TFPI2: variants seen among roughly 807,000 people sequenced by gnomAD.
TFPI2 encodes the protein tissue factor pathway inhibitor 2, also known as placental protein 5.
Under a neutral mutation model 23.1 loss-of-function variants are expected in TFPI2, and 23 were observed. The ratio of observed to expected loss-of-function variants is 1.00; its 90% CI spans 0.72 to 1.41. The LOEUF is 1.41. Among genes scored for constraint, TFPI2 ranks in the 40% most tolerant of loss-of-function variants. The probability of loss-of-function intolerance (pLI) is 0.00; values close to 1 mark genes in which losing one functional copy is unlikely to be tolerated. For missense variants in TFPI2, 291 were observed against 299.6 expected (o/e 0.97, Z 0.21); for synonymous variants, 119 against 111.7 (o/e 1.07, Z -0.41).
At position 93,889,505 on chromosome 7, in the gene TFPI2, T is replaced by C. The variant is rs528320687; in HGVS notation, c.272-282A>G. Reference sequence around the variant, plus strand: ...TACATATGCAGTGAATCAAAGCTTATTCACATGAATACGCATTTTCCCCTG... The same window carrying C: ...TACATATGCAGTGAATCAAAGCTTACTCACATGAATACGCATTTTCCCCTG... On this transcript the variant is annotated intron_variant, in intron 2 of 4. Coordinates refer to ENST00000222543, the MANE Select transcript of TFPI2 (RefSeq NM_006528.4). 4.6e-5 allele frequency among the ~76,000 whole-genome samples: 7 copies of C among 152,318 alleles called. No homozygotes were observed. The East Asian group carries it at 1.3e-3, about 29-fold the overall frequency.
chr7:93,890,315 A>G lies in TFPI2; in HGVS notation c.93T>C (p.Asn31=). ...GGGGCAGGAGACAGATCTCCGCGTT[A>G]TTTCCTGAAGAAGGGGCAGAAGGAG... The part of the protein sequence containing the change: ...LGDAAQEPTG[N]NAEICLLPLD... The change falls in exon 2 of 5, where the codon AAT becomes AAC. Residue 31 remains asparagine (N), a synonymous_variant. Coordinates refer to ENST00000222543, the MANE Select transcript of TFPI2 (RefSeq NM_006528.4). 1 of 1,604,386 alleles carries G rather than the reference A, an allele frequency of 6.2e-7. No individual in the cohort carries two copies. The highest frequency in any genetic ancestry group is 8.5e-7 in the Non-Finnish European group (1 of 1,172,804).
Position 93,890,747 on chromosome 7 carries a change from G to A in TFPI2, c.-69C>T. ...AGCGCCTGGCGGGAGGAGGTGCGCG[G>A]CTTTCTGCTCCAGGCGGCCCGGGTG... On this transcript the variant is annotated 5_prime_UTR_variant, in exon 1 of 5. Transcript: ENST00000222543. The A allele has an allele frequency of 2.1e-6, 3 of 1,456,186 alleles. No individual in the cohort carries two copies. The highest frequency in any genetic ancestry group is 2.8e-6 in the Non-Finnish European group (3 of 1,062,394). The allele number at this position is 1,456,186 out of a possible 1,614,324, so 90.2% of individuals were successfully genotyped here.
At chr7:93,890,506 C>G in intron 1 of TFPI2, 85 bp downstream of exon 1, 5 of 1,487,592 alleles carry the variant, frequency 3.4e-6, no homozygotes, top group Non-Finnish European at 4.5e-6. Flanking sequence ...GAAAGCGAGG[C>G]TTGGAGGGCG....
intron 3 of TFPI2, among the ~76,000 whole-genome samples, chr7:93,888,287 A>C (rs1794035565): frequency 6.6e-6 from 1 of 152,182 alleles, no homozygotes; most frequent in Admixed American, 6.5e-5. Flanking sequence ...ATTGTGTACA[A>C]ATCTGAGGTC....
At position 93,890,156 on chromosome 7, in the gene TFPI2, A is replaced by C. The variant is rs768174690; in HGVS notation, c.252T>G (p.Asp84Glu). The change falls in exon 2 of 5, where the codon GAT (aspartate) becomes GAG (glutamate). Residue 84 changes from aspartate (D) to glutamate (E), a missense_variant. By Grantham distance (45) the Asp-to-Glu change is conservative (BLOSUM62 2). Coordinates refer to ENST00000222543, the MANE Select transcript of TFPI2 (RefSeq NM_006528.4). ...NNFYTWEACD[D>E]ACWRIEKVPK... Reference sequence around the variant, plus strand: ...ACTTACTTTCTATCCTCCAGCAAGCATCGTCGCAAGCCTCCCAGGTGTAGA... The same window carrying C: ...ACTTACTTTCTATCCTCCAGCAAGCCTCGTCGCAAGCCTCCCAGGTGTAGA... 4 of 1,608,784 alleles carry C rather than the reference A, an allele frequency of 2.5e-6. No homozygotes were observed. Among genetic ancestry groups the C allele is most frequent in the Non-Finnish European group, 3.4e-6 (4 of 1,175,956 alleles).
At position 93,885,734 on chromosome 7, in the gene TFPI2, T is replaced by C. The variant is rs527988181; in HGVS notation, c.*1086A>G. 1 of 152,196 alleles carries C rather than the reference T, an allele frequency of 6.6e-6. No individual in the cohort carries two copies. The highest frequency in any genetic ancestry group is 2.4e-5 in the African/African-American group (1 of 41,574). 9.4% of individuals were successfully genotyped at this position (152,196 alleles called of 1,614,324 possible). A position where few individuals can be genotyped will look rare whatever the true frequency, so the allele number is the denominator to read the frequency against. ...AAGAGTACCTGGTTTGCTTCTAGCT[T>C]TCAGCATCATTCAAAGTTCTCAGGC... On this transcript the variant is annotated 3_prime_UTR_variant, in exon 5 of 5. Coordinates refer to ENST00000222543, the MANE Select transcript of TFPI2 (RefSeq NM_006528.4).
Position 93,886,681 on chromosome 7 carries a change from T to TG in TFPI2, c.*138_*139insC, listed in dbSNP as rs1237675276. The TG allele has an allele frequency of 4.6e-5, 28 of 608,288 alleles. No individual in the cohort carries two copies. The highest frequency in any genetic ancestry group is 7.5e-5 in the Non-Finnish European group (28 of 371,790). The allele number at this position is 608,288 out of a possible 1,614,324, so 37.7% of individuals were successfully genotyped here. On this transcript the variant is annotated 3_prime_UTR_variant, in exon 5 of 5. Coordinates refer to ENST00000222543, the MANE Select transcript of TFPI2 (RefSeq NM_006528.4). ...TATATATAAAAAAATCCAAATTTTT[T>TG]AAAAAGTGACTTGTATTAATAAAAA...
intron 1 of TFPI2, 70 bp downstream of exon 1, chr7:93,890,521 C>T (rs1794112995): frequency 4.6e-6 from 7 of 1,528,104 alleles, no homozygotes; most frequent in Non-Finnish European, 6.2e-6. Context: ...AGGGCGCCTA[C>T]ACGGGGCCCC....
At chr7:93,886,970 T>G (rs1794005093) in intron 4 of TFPI2, 74 bp from the exon 5 acceptor site, 1 of 1,131,404 alleles carries the variant, frequency 8.8e-7, no homozygotes, top group South Asian at 1.6e-5. Flanking sequence ...CTATTTCTGA[T>G]AAGGTTATTG....
chr7:93,889,359 C>T (rs1794080445), intron 2 of TFPI2, 136 bp from the exon 3 acceptor site: 2 of 739,804 alleles, frequency 2.7e-6, no homozygotes, highest in Non-Finnish European at 4.2e-6. Context: ...CAGAATACTC[C>T]CATGAATCCA....
At chr7:93,887,573 G>C (rs906112151) in intron 3 of TFPI2, 142 bp from the exon 4 acceptor site, 1 of 633,942 alleles carries the variant, frequency 1.6e-6, no homozygotes, top group Non-Finnish European at 2.6e-6. Context: ...CCTTTAAAAA[G>C]ATGTGCTTCA....
At position 93,890,253 on chromosome 7, in the gene TFPI2, T is replaced by C. The variant is rs1467672649; in HGVS notation, c.155A>G (p.Tyr52Cys). The C allele has an allele frequency of 1.2e-6, 2 of 1,613,790 alleles. No homozygotes were observed. Among genetic ancestry groups the C allele is most frequent in the East Asian group, 2.2e-5 (1 of 44,864 alleles). ...GCTCTGCGTGTACCTGTCGTAGTAG[T>C]AACGGAGAAGTAGGGCCCGGCAGGG... ...YGPCRALLLR[Y>C]YYDRYTQSCR... Residue 52 changes from tyrosine to cysteine, a missense_variant, in exon 2 of 5, where the codon TAC becomes TGC. Physicochemically the swap from Tyr to Cys is radical, Grantham distance 194 (BLOSUM62 -2). Coordinates refer to ENST00000222543, the MANE Select transcript of TFPI2 (RefSeq NM_006528.4).
At chr7:93,888,982 C>A in intron 3 of TFPI2, 53 bp downstream of exon 3, 5 of 1,531,190 alleles carry the variant, frequency 3.3e-6, no homozygotes, top group Non-Finnish European at 4.4e-6. Context: ...TTTTTTCCAC[C>A]CAAATGTCTT....
In TFPI2 at chr7:93,889,051, G is replaced by T. The variant is rs751024640; in HGVS notation, c.444C>A (p.Phe148Leu). The change falls in exon 3 of 5, where the codon TTC (phenylalanine) becomes TTA (leucine). Residue 148 changes from phenylalanine to leucine, a missense_variant. Physicochemically the swap from Phe to Leu is conservative, Grantham distance 22 (BLOSUM62 0). Transcript: ENST00000222543. ...RFPDEATCMG[F>L]CAPKKIPSFC... ...CGTATTTACTTTTCTTTGGTGCGCA[G>T]AAGCCCATACAAGTAGCTTCATCTG... is the stretch of plus-strand genomic sequence containing the variant. 6.2e-7 allele frequency: 1 copy of T among 1,605,506 alleles called. No individual in the cohort carries two copies. The highest frequency in any genetic ancestry group is 2.2e-5 in the East Asian group (1 of 44,528).
At chr7:93,887,475 A>C in intron 3 of TFPI2, 44 bp from the exon 4 acceptor site, 1 of 1,499,516 alleles carries the variant, frequency 6.7e-7, no homozygotes, top group Non-Finnish European at 9.1e-7. Context: ...ATAATACCAG[A>C]ATTTTTAAAT....
At chr7:93,888,983 C>T in intron 3 of TFPI2, 52 bp downstream of exon 3, 1 of 1,534,640 alleles carries the variant, frequency 6.5e-7, no homozygotes, top group Admixed American at 2.2e-5. Context: ...TTTTTCCACC[C>T]AAATGTCTTT....
At chr7:93,887,865 A>G (rs1225592479) in intron 3 of TFPI2, among the ~76,000 whole-genome samples, 1 of 152,212 alleles carries the variant, frequency 6.6e-6, no homozygotes, top group Non-Finnish European at 1.5e-5. Context: ...TAACCACTGG[A>G]GCAAACATTT....
At chr7:93,890,453 A>T in intron 1 of TFPI2, 134 bp from the exon 2 acceptor site, 1 of 1,411,568 alleles carries the variant, frequency 7.1e-7, no homozygotes, top group Non-Finnish European at 9.5e-7. Context: ...CAAACTTGGG[A>T]GCGAGTCCCC....
Position 93,885,765 on chromosome 7 carries a change from C to T in TFPI2, c.*1055G>A, listed in dbSNP as rs952174748. On this transcript the variant is annotated 3_prime_UTR_variant, in exon 5 of 5. Transcript: ENST00000222543. Reference sequence around the variant, plus strand: ...ATCATTCAAAGTTCTCAGGCATATACCTATTTGTCAAAATAACTGGGATAA... The same window carrying T: ...ATCATTCAAAGTTCTCAGGCATATATCTATTTGTCAAAATAACTGGGATAA... The T allele has an allele frequency of 9.9e-5, 15 of 151,908 alleles. No homozygotes were observed. The highest frequency in any genetic ancestry group is 5.9e-4 in the Admixed American group (9 of 15,256). 9.4% of individuals were successfully genotyped at this position (151,908 alleles called of 1,614,324 possible). A position where few individuals can be genotyped will look rare whatever the true frequency, so the allele number is the denominator to read the frequency against.
Sources: allele counts gnomAD v4.1 joint callset (sites outside exome capture counted in the v4.1 genomes callset), GRCh38; gene constraint gnomAD v4.1.1; transcripts MANE v1.5; gene names NCBI Gene and HGNC (gene_info 2026-07-23, HGNC 2026-07-21).